UNC13C: variants seen among roughly 807,000 people sequenced by gnomAD.
UNC13C encodes protein unc-13 homolog C.
Under a neutral mutation model 245.4 loss-of-function variants are expected in UNC13C, and 174 were observed. The ratio of observed to expected loss-of-function variants is 0.71; its 90% CI spans 0.63 to 0.80. The LOEUF (loss-of-function observed/expected upper bound fraction) is 0.80. UNC13C is among the 30% of genes least tolerant of loss of function. The probability of loss-of-function intolerance (pLI) is 0.00; values close to 1 mark genes in which losing one functional copy is unlikely to be tolerated. For missense variants in UNC13C, 2,829 were observed against 2,602.9 expected (o/e 1.09, Z -1.89); for synonymous variants, 992 against 895.1 (o/e 1.11, Z -1.93).
the UNC13C span, among the ~76,000 whole-genome samples, chr15:53,885,044 A>G: frequency 6.6e-6 from 1 of 152,228 alleles, no homozygotes; most frequent in Admixed American, 6.5e-5. Context: ...GAACTTTATC[A>G]CACAAAGAGT....
rs1027330911 is a variant in UNC13C, at chr15:54,600,554, C to G, written c.6107-21773C>G. ...TTGTCCCTATGGTACTGACCTATTGCTAAATGCACAATAATTGTCAGATGT... is the reference window on the plus strand; with the variant it reads ...TTGTCCCTATGGTACTGACCTATTGGTAAATGCACAATAATTGTCAGATGT... On this transcript the variant is annotated intron_variant, in intron 30 of 32. Transcript: ENST00000260323. 4.4e-4 allele frequency among the ~76,000 whole-genome samples: 67 copies of G among 152,012 alleles called. 2 individuals carry two copies. Among genetic ancestry groups the G allele is most frequent in the African/African-American group, 1.6e-3 (67 of 41,390 alleles).
intron 2 of UNC13C, among the ~76,000 whole-genome samples, chr15:54,027,172 GAAAAA>G (rs1187801445): frequency 1.1e-5 from 1 of 91,502 alleles, no homozygotes; most frequent in Admixed American, 1.2e-4. Context: ...GAGGAATTGA[GAAAAA>G]AAAAGAAAAA....
chr15:54,170,580 A>T (rs1028764800), intron 4 of UNC13C, among the ~76,000 whole-genome samples: 1 of 152,110 alleles, frequency 6.6e-6, no homozygotes, highest in African/African-American at 2.4e-5. Context: ...TTTCCTTAAA[A>T]TATCTTATTT....
chr15:54,546,779 G>A lies in UNC13C; in HGVS notation c.5754G>A (p.Glu1918=), dbSNP rs200547820. ...EKTVLKRVLK[E]LWKLVLNKIE... is the part of the protein sequence containing the mutation. ...CAGTCCTAAAGCGAGTTTTAAAAGA[G>A]TTATGGAAGCTAGTTCTCAACAAAA... Residue 1918 remains glutamate (E), a synonymous_variant, in exon 27 of 33, where the codon GAG becomes GAA. Coordinates refer to ENST00000260323, the MANE Select transcript of UNC13C (RefSeq NM_001080534.3). 1.4e-4 allele frequency: 215 copies of A among 1,562,778 alleles called. No homozygotes were observed. The African/African-American group carries it at 2.7e-3, about 20-fold the overall frequency.
chr15:53,953,805 T>C, the UNC13C span, among the ~76,000 whole-genome samples: 4 of 152,222 alleles, frequency 2.6e-5, no homozygotes, highest in Non-Finnish European at 4.4e-5. Flanking sequence ...CTATTTAACA[T>C]TTAGGATTTA....
chr15:54,539,059 T>A (rs1896125635), intron 26 of UNC13C, among the ~76,000 whole-genome samples: 1 of 152,070 alleles, frequency 6.6e-6, no homozygotes, highest in African/African-American at 2.4e-5. Context: ...ATTTAGTGCA[T>A]TTCTTTTTCT....
At chr15:53,991,066 G>T (rs1248951964) in intron 1 of UNC13C, among the ~76,000 whole-genome samples, 2 of 151,970 alleles carry the variant, frequency 1.3e-5, no homozygotes. Flanking sequence ...TTTATCTACT[G>T]GGGGCACAGT....
chr15:54,363,750 G>C (rs932758831), intron 17 of UNC13C, among the ~76,000 whole-genome samples: 1 of 152,064 alleles, frequency 6.6e-6, no homozygotes, highest in African/African-American at 2.4e-5. Flanking sequence ...TAAATTTCCT[G>C]ATTTTCTCTT....
Position 54,483,073 on chromosome 15 carries a change from G to T in UNC13C, c.4934-11535G>T, listed in dbSNP as rs966132414. Among the ~76,000 whole-genome samples the T allele has an allele frequency of 2.0e-5, 3 of 152,258 alleles. No homozygotes were observed. The South Asian group carries it at 6.2e-4, about 32-fold the overall frequency. ...CAGTGAATATTAATTTTCTAATATA[G>T]TGAATACTAGAGCTGCAACTCCGTC... On this transcript the variant is annotated intron_variant, in intron 19 of 32. Coordinates refer to ENST00000260323, the MANE Select transcript of UNC13C (RefSeq NM_001080534.3).
intron 10 of UNC13C, among the ~76,000 whole-genome samples, chr15:54,268,257 G>T (rs913437098): frequency 6.6e-6 from 1 of 151,772 alleles, no homozygotes; most frequent in Non-Finnish European, 1.5e-5. Context: ...CTAAGCCACT[G>T]TAATTTTCAT....
the UNC13C span, among the ~76,000 whole-genome samples, chr15:53,867,000 T>C: frequency 6.6e-6 from 1 of 152,194 alleles, no homozygotes; most frequent in African/African-American, 2.4e-5. Context: ...TCAAAGTATA[T>C]GATAGTTGCT....
chr15:54,302,959 T>A (rs12440713), intron 13 of UNC13C, among the ~76,000 whole-genome samples: 23,375 of 152,016 alleles, frequency 0.15, 1,908 homozygotes, highest in East Asian at 0.18. Context: ...TGATAATTAC[T>A]GATAGAGAAA....
the UNC13C span, among the ~76,000 whole-genome samples, chr15:53,963,015 T>G: frequency 2.6e-5 from 4 of 152,204 alleles, no homozygotes; most frequent in Non-Finnish European, 5.9e-5. Context: ...GACTGCATGA[T>G]TTTTTCACAT....
At chr15:54,403,654 C>CTGCA (rs1413847177) in intron 18 of UNC13C, among the ~76,000 whole-genome samples, 1 of 131,648 alleles carries the variant, frequency 7.6e-6, no homozygotes, top group Non-Finnish European at 1.6e-5. Flanking sequence ...GAGGCAGAGG[C>CTGCA]TGCAGTGAGC....
chr15:54,378,064 T>C (rs1188557500), intron 17 of UNC13C, among the ~76,000 whole-genome samples: 2 of 152,158 alleles, frequency 1.3e-5, no homozygotes, highest in African/African-American at 4.8e-5. Context: ...TAGATACCCA[T>C]GTGTACGTGG....
In UNC13C at chr15:54,056,726, C is replaced by T. The variant is rs541574164; in HGVS notation, c.2983+40840C>T. On this transcript the variant is annotated intron_variant, in intron 2 of 32. Transcript: ENST00000260323. ...AGCCAGAGAGAAAGGTCGGGTTACC[C>T]AGAAAGGGAAGCCCATCAGACTAAC... 1.7e-3 allele frequency among the ~76,000 whole-genome samples: 261 copies of T among 152,240 alleles called. 6 individuals carry two copies. The South Asian group carries it at 0.037, about 22-fold the overall frequency.
intron 2 of UNC13C, among the ~76,000 whole-genome samples, chr15:54,121,558 G>T (rs188524227): frequency 6.0e-4 from 91 of 152,082 alleles, no homozygotes; most frequent in African/African-American, 2.1e-3. Context: ...TGTGTTGTAT[G>T]ACAATATCAT....
the UNC13C span, among the ~76,000 whole-genome samples, chr15:53,892,525 A>G: frequency 6.6e-6 from 1 of 152,092 alleles, no homozygotes; most frequent in African/African-American, 2.4e-5. Context: ...TCAAATGTAC[A>G]TTTAGTCTTT....
At chr15:54,165,862 T>G (rs980693625) in intron 4 of UNC13C, among the ~76,000 whole-genome samples, 7 of 152,034 alleles carry the variant, frequency 4.6e-5, no homozygotes, top group African/African-American at 1.7e-4. Context: ...CCCTCTCTTT[T>G]TCTCCCTTTC....
Sources: gnomAD v4.1 joint callset for allele counts (sites outside exome capture counted in the v4.1 genomes callset) on GRCh38, gnomAD v4.1.1 for gene constraint, MANE v1.5 for transcripts, NCBI Gene and HGNC (gene_info 2026-07-23, HGNC 2026-07-21) for gene names.